Variants in MYH6 observed in about 807,000 individuals in gnomAD.
MYH6 encodes the protein myosin heavy chain 6.
Under a neutral mutation model 223.2 loss-of-function variants are expected in MYH6, and 126 were observed. That is an observed-to-expected ratio of 0.56 (90% CI 0.49 to 0.65). The LOEUF (loss-of-function observed/expected upper bound fraction) is 0.65, where lower values mean the gene tolerates loss of function less well. Among genes scored for constraint, MYH6 ranks in the 30% least tolerant of loss-of-function variants. The pLI, the probability that MYH6 is intolerant of heterozygous loss-of-function variation, is 0.00. For synonymous variants in MYH6, 978 were observed against 1,010.2 expected (o/e 0.97, Z 0.61); for missense variants, 2,040 against 2,536.4 (o/e 0.80, Z 4.20).
At chr14:23,399,843 G>T in intron 14 of MYH6, 1 of 278,150 alleles carries the variant, frequency 3.6e-6, no homozygotes, top group South Asian at 4.3e-5. Context: ...TCCCGCCTGC[G>T]GCCTTGTCTC....
rs2277473 is a variant in MYH6 at position 23,405,298 on chromosome 14, G to A, written c.427C>T (p.Arg143Trp). The A allele has an allele frequency of 1.4e-5, 23 of 1,614,012 alleles. No homozygotes were observed. Among genetic ancestry groups the A allele is most frequent in the East Asian group, 2.2e-5 (1 of 44,898 alleles). Residue 143 changes from arginine to tryptophan, a missense_variant, in exon 5 of 39, where the codon CGG (arginine) becomes TGG (tryptophan). Physicochemically the swap from Arg to Trp is moderately radical, Grantham distance 101 (BLOSUM62 -3). Transcript: ENST00000405093. The surrounding 1 kb of genome is among the most constrained non-coding windows in gnomAD (Gnocchi z 4.7). ...GGGGCCTCACTCCTCTTCTTGCCCC[G>A]GTAGGCGGCCACCACCTCGGCATTG... is the stretch of plus-strand genomic sequence containing the variant. ...VYNAEVVAAY[R>W]GKKRSEAPPH...
rs1442002655 is a variant in MYH6 at position 23,397,537 on chromosome 14, T to C, written c.1962+6A>G. ...AGGTGTCCTGGCACCCCTGGGCCCTTCTTACCCGGTGGAGAGCCGACACCG... is the reference window on the plus strand; with the variant it reads ...AGGTGTCCTGGCACCCCTGGGCCCTCCTTACCCGGTGGAGAGCCGACACCG... On this transcript the variant is annotated splice_donor_region_variant and intron_variant, in intron 16 of 38. Transcript: ENST00000405093. 1 of 1,614,138 alleles carries C rather than the reference T, an allele frequency of 6.2e-7. No homozygotes were observed.
At chr14:23,388,739 C>G in intron 29 of MYH6, 120 bp downstream of exon 29, 1 of 1,431,808 alleles carries the variant, frequency 7.0e-7, no homozygotes, top group Non-Finnish European at 9.9e-7. Flanking sequence ...ACTTCTGTTG[C>G]CCTCCGAGTT....
intron 1 of MYH6, 99 bp downstream of exon 1, chr14:23,408,154 C>A: frequency 1.2e-6 from 1 of 862,332 alleles, no homozygotes; most frequent in Non-Finnish European, 1.4e-6. Flanking sequence ...GCCCTTAGGC[C>A]TCCAACTGAC....
At position 23,384,465 on chromosome 14, in the gene MYH6, G is replaced by A. The variant is rs570853853; in HGVS notation, c.5542C>T (p.Arg1848Cys). 9.9e-6 allele frequency: 16 copies of A among 1,611,548 alleles called. No homozygotes were observed. Among genetic ancestry groups the A allele is most frequent in the Admixed American group, 6.7e-5 (4 of 60,022 alleles). The stretch of plus-strand genomic sequence containing the variant: ...ACCTGGTAGGTGAGCTCCTTGATGC[G>A]CCGCTCGCTCTTCCTCATGCCCTTC... The part of the protein sequence containing the change: ...SVKGMRKSER[R>C]IKELTYQTEE... Residue 1848 changes from arginine to cysteine, a missense_variant, in exon 36 of 39, where the codon CGC (arginine) becomes TGC (cysteine). By Grantham distance (180) the Arg-to-Cys change is radical (BLOSUM62 -3). Coordinates refer to ENST00000405093, the MANE Select transcript of MYH6 (RefSeq NM_002471.4).
intron 14 of MYH6, chr14:23,399,769 T>C (rs1218341833): frequency 4.9e-6 from 1 of 203,484 alleles, no homozygotes; most frequent in Admixed American, 5.3e-5. Flanking sequence ...CAATCCGGGC[T>C]CTGGCCTATG....
Position 23,405,788 on chromosome 14 carries a change from G to C in MYH6, c.202-18C>G. 2 of 1,614,092 alleles carry C rather than the reference G, an allele frequency of 1.2e-6. No homozygotes were observed. The highest frequency in any genetic ancestry group is 1.7e-6 in the Non-Finnish European group (2 of 1,179,992). On this transcript the variant is annotated intron_variant, in intron 3 of 38. Coordinates refer to ENST00000405093, the MANE Select transcript of MYH6 (RefSeq NM_002471.4). This position sits in a 1 kb window ranked among gnomAD's most constrained non-coding sequence, Gnocchi z 4.7. ...GTCACCGTCTGGAGGGGGCGCATAA[G>C]CAGGAGGATGAGTGACCACAATCCC...
Position 23,404,785 on chromosome 14 carries a change from G to A in MYH6, c.568C>T (p.Arg190Cys), listed in dbSNP as rs397516777. The change falls in exon 7 of 39, where the codon CGT becomes TGT. Residue 190 changes from arginine to cysteine, a missense_variant. Coordinates refer to ENST00000405093, the MANE Select transcript of MYH6 (RefSeq NM_002471.4). ...ATGCTGGCAAAGTACTGGATGACACGCTTGGTGTTCACAGTCTTCCCCGCC... is the reference window on the plus strand; with the variant it reads ...ATGCTGGCAAAGTACTGGATGACACACTTGGTGTTCACAGTCTTCCCCGCC... ...SGAGKTVNTKRVIQYFASIAA... is the reference protein window; with the variant it reads ...SGAGKTVNTKCVIQYFASIAA... 6 of 1,614,140 alleles carry A rather than the reference G, an allele frequency of 3.7e-6. No individual in the cohort carries two copies. Among genetic ancestry groups the A allele is most frequent in the East Asian group, 2.2e-5 (1 of 44,874 alleles).
Position 23,386,305 on chromosome 14 carries a change from C to T in MYH6, c.4959+10G>A. On this transcript the variant is annotated intron_variant, in intron 33 of 38. Transcript: ENST00000405093. ...CCAGTCCCCTGAGGGGACCTCCCGC[C>T]CCCATGTACCTTCAGCAAGCTCTGG... 1 of 1,614,126 alleles carries T rather than the reference C, an allele frequency of 6.2e-7. No homozygotes were observed.
rs370412856 is a variant in MYH6, at chr14:23,387,892, T to G, written c.4391A>C (p.Glu1464Ala). Residue 1464 changes from glutamate (E) to alanine (A), a missense_variant, in exon 31 of 39, where the codon GAG becomes GCG. By Grantham distance (107) the Glu-to-Ala change is moderately radical. Around this residue, in one of 4 missense-constraint regions of MYH6, gnomAD observed 1,203 missense variants for 1,400.2 expected, o/e 0.86. Transcript: ENST00000405093. ...TGAGGACTCCAGCTCAGACTGCGAC[T>G]CCTCATACTTCTGCTTCCACTCGGC... ...ILAEWKQKYEESQSELESSQK... is the reference protein window; with the variant it reads ...ILAEWKQKYEASQSELESSQK... 8.1e-6 allele frequency: 13 copies of G among 1,613,920 alleles called. No individual in the cohort carries two copies. In the African/African-American group the frequency reaches 1.5e-4, roughly 18 times the overall value.
In MYH6 at chr14:23,405,816, C is replaced by T. The variant is rs118166779; in HGVS notation, c.202-46G>A. The stretch of plus-strand genomic sequence containing the variant: ...GGAGGATGAGTGACCACAATCCCTC[C>T]GGGACCCTTGCCAGCACTGCCCACT... On this transcript the variant is annotated intron_variant, in intron 3 of 38. Coordinates refer to ENST00000405093, the MANE Select transcript of MYH6 (RefSeq NM_002471.4). The surrounding 1 kb of genome is among the most constrained non-coding windows in gnomAD (Gnocchi z 4.7). 537 of 1,613,614 alleles carry T rather than the reference C, an allele frequency of 3.3e-4. No homozygotes were observed. The highest frequency in any genetic ancestry group is 6.5e-4 in the East Asian group (29 of 44,864).
intron 20 of MYH6, among the ~76,000 whole-genome samples, chr14:23,394,992 G>A (rs1331741595): frequency 2.0e-5 from 3 of 152,194 alleles, no homozygotes; most frequent in African/African-American, 7.2e-5. Flanking sequence ...CAGCTCCTGA[G>A]TAGCTGGAAT....
intron 15 of MYH6, among the ~76,000 whole-genome samples, chr14:23,397,966 TCTTCTTCTTCTTCTTC>T (rs1891472940): frequency 1.6e-5 from 2 of 126,966 alleles, no homozygotes; most frequent in Non-Finnish European, 3.3e-5. Flanking sequence ...TTCTTCTTCT[TCTTCTTCTTCTTCTTC>T]TTCTTCTTCT....
chr14:23,389,095 C>CT, intron 28 of MYH6, 40 bp from the exon 29 acceptor site: 2 of 1,562,898 alleles, frequency 1.3e-6, no homozygotes, highest in Non-Finnish European at 1.7e-6. Context: ...GGAGGGACTC[C>CT]CTGTGCCCCA....
At chr14:23,404,182 C>T in intron 8 of MYH6, 114 bp downstream of exon 8, 2 of 1,260,050 alleles carry the variant, frequency 1.6e-6, no homozygotes, top group Non-Finnish European at 2.3e-6. Flanking sequence ...CCAACGTGTG[C>T]ATGTTGATAT....
In MYH6 at chr14:23,404,801, C is replaced by T. The variant is rs1473870008; in HGVS notation, c.552G>A (p.Lys184=). 1.2e-6 allele frequency: 2 copies of T among 1,614,034 alleles called. No individual in the cohort carries two copies. Among genetic ancestry groups the T allele is most frequent in the Non-Finnish European group, 1.7e-6 (2 of 1,180,036 alleles). Residue 184 remains lysine (K), a synonymous_variant, in exon 7 of 39, where the codon AAG becomes AAA. Coordinates refer to ENST00000405093, the MANE Select transcript of MYH6 (RefSeq NM_002471.4). The stretch of plus-strand genomic sequence containing the variant: ...GGATGACACGCTTGGTGTTCACAGT[C>T]TTCCCCGCCCCGGATTCTCCCCTGG... ...ILITGESGAG[K]TVNTKRVIQY... is the part of the protein sequence containing the mutation.
At position 23,403,752 on chromosome 14, in the gene MYH6, C is replaced by T. The variant is rs761507241; in HGVS notation, c.762G>A (p.Gly254=). 6.2e-6 allele frequency: 10 copies of T among 1,612,688 alleles called. No homozygotes were observed. In the African/African-American group the frequency reaches 6.7e-5, roughly 11 times the overall value. The change falls in exon 9 of 39, where the codon GGG becomes GGA. Residue 254 remains glycine (G), a synonymous_variant. Transcript: ENST00000405093. The stretch of plus-strand genomic sequence containing the variant: ...CTGCAGAAGCCAGCTTTCCAGTGGC[C>T]CCAAAGTGGATCCTAATGAATTTCC... ...RFGKFIRIHF[G]ATGKLASADI...
chr14:23,392,986 G>T lies in MYH6; in HGVS notation c.3177C>A (p.Gly1059=), dbSNP rs529676901. 1.2e-6 allele frequency: 2 copies of T among 1,614,128 alleles called. No individual in the cohort carries two copies. Among genetic ancestry groups the T allele is most frequent in the East Asian group, 2.2e-5 (1 of 44,882 alleles). Residue 1059 remains glycine (G), a synonymous_variant, in exon 24 of 39, where the codon GGC becomes GGA. Coordinates refer to ENST00000405093, the MANE Select transcript of MYH6 (RefSeq NM_002471.4). ...TGCTCTCCTGGGTCAGCTTCAGGTC[G>T]CCCTCCAGTTTCCGCTTTGCTCGCT... is the stretch of plus-strand genomic sequence containing the variant. The part of the protein sequence containing the change: ...DLERAKRKLE[G]DLKLTQESIM...
chr14:23,385,136 T>A, intron 34 of MYH6, 95 bp from the exon 35 acceptor site: 1 of 1,545,752 alleles, frequency 6.5e-7, no homozygotes, highest in East Asian at 2.3e-5. Context: ...GTGGTCATTT[T>A]TTTTTTAAAA....
Sources: gnomAD v4.1 joint callset for allele counts (sites outside exome capture counted in the v4.1 genomes callset) on GRCh38, gnomAD v4.1.1 for gene constraint, gnomAD v4.1.1 regional missense constraint, Gnocchi (gnomAD v3.1) non-coding constraint, MANE v1.5 for transcripts, NCBI Gene and HGNC (gene_info 2026-07-23, HGNC 2026-07-21) for gene names.